The following EPHB2 variants were observed in gnomAD, a reference collection of about 807,000 sequenced individuals.
The protein encoded by EPHB2 is ephrin type-B receptor 2.
Under a neutral mutation model 96.4 loss-of-function variants are expected in EPHB2, and 18 were observed. The ratio of observed to expected loss-of-function variants is 0.19; its 90% confidence interval spans 0.13 to 0.28. EPHB2 has a LOEUF of 0.28. Ranked by LOEUF, EPHB2 falls within the 10% of genes least tolerant of loss-of-function variation. EPHB2 has a pLI of 1.00. For synonymous variants in EPHB2, 506 were observed against 534.1 expected (o/e 0.95, Z 0.72); for missense variants, 989 against 1,355.4 (o/e 0.73, Z 4.25).
rs1639911599 is a variant in EPHB2 at position 22,906,230 on chromosome 1, G to T, written c.1888+121G>T. The T allele has an allele frequency of 3.4e-6, 5 of 1,473,780 alleles. No homozygotes were observed. Among genetic ancestry groups the T allele is most frequent in the Non-Finnish European group, 1.9e-6 (2 of 1,076,516 alleles). The allele number at this position is 1,473,780 out of a possible 1,614,324, so 91.3% of individuals were successfully genotyped here. On this transcript the variant is annotated intron_variant, in intron 10 of 15. Transcript: ENST00000374630. This position sits in a 1 kb window ranked among gnomAD's most constrained non-coding sequence, Gnocchi z 4.8. ...ACAGGCGCCTCAAAGGACCCCCCAA[G>T]GCCTGAAGGTTCAGAATGACCATGA...
chr1:22,839,518 G>C (rs959584268), intron 3 of EPHB2, among the ~76,000 whole-genome samples: 3 of 152,152 alleles, frequency 2.0e-5, no homozygotes, highest in Admixed American at 6.5e-5. Flanking sequence ...GAAAGTCAGG[G>C]ATATACACAA....
chr1:22,844,806 A>T (rs781002085), intron 3 of EPHB2, among the ~76,000 whole-genome samples: 1 of 152,150 alleles, frequency 6.6e-6, no homozygotes, highest in Non-Finnish European at 1.5e-5. Context: ...ACCTTGACTG[A>T]TCCCAGTCCT....
At chr1:22,722,742 A>G (rs1643494611) in intron 1 of EPHB2, among the ~76,000 whole-genome samples, 1 of 152,236 alleles carries the variant, frequency 6.6e-6, no homozygotes, top group Non-Finnish European at 1.5e-5. Flanking sequence ...GACTAGAACC[A>G]TGCTACGTTG....
At chr1:22,853,710 T>C (rs1645658437) in intron 3 of EPHB2, among the ~76,000 whole-genome samples, 1 of 152,224 alleles carries the variant, frequency 6.6e-6, no homozygotes, top group African/African-American at 2.4e-5. Flanking sequence ...GAACTGGCAG[T>C]GCCTGCGGTG....
At chr1:22,841,604 A>T (rs1328132113) in intron 3 of EPHB2, among the ~76,000 whole-genome samples, 1 of 152,148 alleles carries the variant, frequency 6.6e-6, no homozygotes, top group Non-Finnish European at 1.5e-5. Flanking sequence ...ACGTGGCCAC[A>T]TTTAGGAAAC....
intron 3 of EPHB2, among the ~76,000 whole-genome samples, chr1:22,823,193 C>T (rs763417987): frequency 6.6e-6 from 1 of 152,224 alleles, no homozygotes; most frequent in Non-Finnish European, 1.5e-5. Context: ...TCAACTGCCT[C>T]GCTCCTCTAA....
intron 1 of EPHB2, chr1:22,774,603 G>T (rs558343740): frequency 1.0e-6 from 1 of 985,302 alleles, no homozygotes; most frequent in Admixed American, 6.1e-5. Flanking sequence ...ATTTTGGATG[G>T]CTGGATACGA....
In EPHB2 at chr1:22,746,983, G is replaced by A. The variant is rs1391395752; in HGVS notation, c.62-34438G>A. Among the ~76,000 whole-genome samples the A allele has an allele frequency of 3.3e-5, 5 of 152,210 alleles. No individual in the cohort carries two copies. In the East Asian group the frequency reaches 9.6e-4, roughly 29 times the overall value. ...GTGTTTTAAAGTCAGATGAAATAAA[G>A]GAAGAAGTGACAGGTGGTGAGAGCA... is the stretch of plus-strand genomic sequence containing the variant. On this transcript the variant is annotated intron_variant, in intron 1 of 15. Coordinates refer to ENST00000374630, the MANE Select transcript of EPHB2 (RefSeq NM_017449.5).
intron 8 of EPHB2, 58 bp downstream of exon 8, chr1:22,895,638 C>G (rs944981890): frequency 5.5e-6 from 8 of 1,460,076 alleles, no homozygotes; most frequent in Non-Finnish European, 7.7e-6. Context: ...TTCTCTCTCT[C>G]TATTCAGTCA....
intron 1 of EPHB2, among the ~76,000 whole-genome samples, chr1:22,730,231 G>A (rs115469477): frequency 0.014 from 2,153 of 152,354 alleles, 61 homozygotes; most frequent in African/African-American, 0.049. Flanking sequence ...AGGGGCGGAG[G>A]CGGGGGTGGC....
Position 22,745,804 on chromosome 1 carries a change from C to T in EPHB2, c.61+34761C>T, listed in dbSNP as rs568074614. ...AGGCTCGGGCTGGGCCTTGGATGATCGGCAGCTGTGAGCGCAGCGGGGCCT... is the reference window on the plus strand; with the variant it reads ...AGGCTCGGGCTGGGCCTTGGATGATTGGCAGCTGTGAGCGCAGCGGGGCCT... On this transcript the variant is annotated intron_variant, in intron 1 of 15. Coordinates refer to ENST00000374630, the MANE Select transcript of EPHB2 (RefSeq NM_017449.5). Among the ~76,000 whole-genome samples, 67 of 152,198 alleles carry T rather than the reference C, an allele frequency of 4.4e-4. 2 individuals are homozygous for T. In the South Asian group the frequency reaches 0.012, roughly 27 times the overall value.
chr1:22,913,634 C>T lies in EPHB2; in HGVS notation c.*64C>T, dbSNP rs757701351. On this transcript the variant is annotated 3_prime_UTR_variant, in exon 16 of 16. Transcript: ENST00000374630. This position sits in a 1 kb window ranked among gnomAD's most constrained non-coding sequence, Gnocchi z 4.1. The stretch of plus-strand genomic sequence containing the variant: ...GCCCCCTCTGCCCCACGTGCCGGCC[C>T]TCCTGGTGCTCTATCCACTGCAGGG... The T allele has an allele frequency of 3.2e-5, 51 of 1,605,622 alleles. No individual in the cohort carries two copies. Among genetic ancestry groups the T allele is most frequent in the Middle Eastern group, 1.7e-4 (1 of 6,054 alleles).
At position 22,918,026 on chromosome 1, in the gene EPHB2, C is replaced by G. The variant is rs1043797451; in HGVS notation, c.*4456C>G. 6.6e-6 allele frequency: 1 copy of G among 152,234 alleles called. No individual in the cohort carries two copies. The highest frequency in any genetic ancestry group is 2.4e-5 in the African/African-American group (1 of 41,376). 9.4% of individuals were successfully genotyped at this position (152,234 alleles called of 1,614,324 possible). A position where few individuals can be genotyped will look rare whatever the true frequency, so the allele number is the denominator to read the frequency against. ...TAAGTGGAGGTTGAGGCAGTTTAGG[C>G]GTGATGTACAGTCCAGCCACAGCAG... On this transcript the variant is annotated 3_prime_UTR_variant, in exon 16 of 16. Coordinates refer to ENST00000374630, the MANE Select transcript of EPHB2 (RefSeq NM_017449.5). The surrounding 1 kb of genome is among the most constrained non-coding windows in gnomAD (Gnocchi z 4.2).
At chr1:22,848,391 C>T (rs1331098592) in intron 3 of EPHB2, among the ~76,000 whole-genome samples, 10 of 152,186 alleles carry the variant, frequency 6.6e-5, no homozygotes, top group Admixed American at 5.9e-4. Flanking sequence ...GGCCTGTCCA[C>T]TATCGCTCGG....
intron 3 of EPHB2, among the ~76,000 whole-genome samples, chr1:22,786,376 C>T (rs1644610911): frequency 6.6e-6 from 1 of 152,198 alleles, no homozygotes; most frequent in South Asian, 2.1e-4. Context: ...CTACTTGTGT[C>T]ATGTCCTCTT....
intron 3 of EPHB2, among the ~76,000 whole-genome samples, chr1:22,799,595 C>T (rs1184112605): frequency 6.6e-6 from 1 of 152,194 alleles, no homozygotes; most frequent in Non-Finnish European, 1.5e-5. Flanking sequence ...CAGCCTGGCC[C>T]CTGCGATCTA....
chr1:22,754,323 C>A (rs1644110293), intron 1 of EPHB2, among the ~76,000 whole-genome samples: 1 of 152,226 alleles, frequency 6.6e-6, no homozygotes, highest in African/African-American at 2.4e-5. Flanking sequence ...ACTCACTTTT[C>A]TATTTCCTGG....
chr1:22,815,128 G>C (rs142659729), intron 3 of EPHB2, among the ~76,000 whole-genome samples: 10 of 152,342 alleles, frequency 6.6e-5, no homozygotes, highest in African/African-American at 2.4e-4. Flanking sequence ...GGTCAAGTCT[G>C]CTTCATTGAC....
Position 22,913,128 on chromosome 1 carries a change from G to C in EPHB2, c.2853-334G>C, listed in dbSNP as rs906153547. The C allele has an allele frequency of 7.5e-6, 3 of 399,928 alleles. No homozygotes were observed. The highest frequency in any genetic ancestry group is 1.4e-5 in the Non-Finnish European group (3 of 210,876). The allele number at this position is 399,928 out of a possible 1,614,324, so 24.8% of individuals were successfully genotyped here. A position where few individuals can be genotyped will look rare whatever the true frequency, so the allele number is the denominator to read the frequency against. ...GAATTGCTTGAACCAAGGAGGTAGA[G>C]GTTGCAGTGAGCTGAGATCACGCCA... is the stretch of plus-strand genomic sequence containing the variant. On this transcript the variant is annotated intron_variant, in intron 15 of 15. Coordinates refer to ENST00000374630, the MANE Select transcript of EPHB2 (RefSeq NM_017449.5). This position sits in a 1 kb window ranked among gnomAD's most constrained non-coding sequence, Gnocchi z 4.1.
Sources: allele counts gnomAD v4.1 joint callset (sites outside exome capture counted in the v4.1 genomes callset), GRCh38; gene constraint gnomAD v4.1.1; non-coding constraint Gnocchi (gnomAD v3.1); transcripts MANE v1.5; gene names NCBI Gene and HGNC (gene_info 2026-07-23, HGNC 2026-07-21).